HMGXB4: variants seen among roughly 807,000 people sequenced by gnomAD.
HMGXB4 encodes HMG domain-containing protein 4.
Under a neutral mutation model 63.9 loss-of-function variants are expected in HMGXB4, and 27 were observed. The observed-to-expected ratio is 0.42, with a 90% CI of 0.31 to 0.58. The LOEUF is 0.58. Ranked by LOEUF, HMGXB4 falls within the 20% of genes least tolerant of loss-of-function variation. HMGXB4 has a pLI of 0.13. For missense variants in HMGXB4, 624 were observed against 700.7 expected, an observed-to-expected ratio of 0.89 and a Z score of 1.24; for synonymous variants, 264 against 265.3, an observed-to-expected ratio of 0.99 and a Z score of 0.05.
At chr22:35,273,962 C>A (rs1334414812) in intron 5 of HMGXB4, among the ~76,000 whole-genome samples, 1 of 152,228 alleles carries the variant, frequency 6.6e-6, no homozygotes, top group Admixed American at 6.5e-5. Flanking sequence ...TGAATACACA[C>A]TTGGCCTCTT....
chr22:35,262,574 C>T (rs1031507197), intron 2 of HMGXB4, among the ~76,000 whole-genome samples, 153 bp downstream of exon 2: 18 of 152,128 alleles, frequency 1.2e-4, no homozygotes, highest in Non-Finnish European at 2.4e-4. Flanking sequence ...CACGCCATCC[C>T]CAGACTGGGC....
chr22:35,278,657 A>T (rs970634817), intron 5 of HMGXB4, among the ~76,000 whole-genome samples: 20 of 148,938 alleles, frequency 1.3e-4, no homozygotes, highest in Admixed American at 4.7e-4. Flanking sequence ...TTTTAATATT[A>T]TTTTTTTTTA....
In HMGXB4 at chr22:35,295,689, ATTGTT is replaced by A. The variant is rs145958162; in HGVS notation, c.*2041_*2045del. 8.5e-3 allele frequency: 1,301 copies of A among 152,634 alleles called. 75 individuals are homozygous for A. The East Asian group carries it at 0.17, about 20-fold the overall frequency. 9.5% of individuals were successfully genotyped at this position (152,634 alleles called of 1,614,324 possible). A position where few individuals can be genotyped will look rare whatever the true frequency, so the allele number is the denominator to read the frequency against. ...CAGACCTTCTTGCAGTTTTTATATCATTGTTTTATTTTGTTTTTTAAATAAATTCT... is the reference window on the plus strand; with the variant it reads ...CAGACCTTCTTGCAGTTTTTATATCATTATTTTGTTTTTTAAATAAATTCT... On this transcript the variant is annotated 3_prime_UTR_variant, in exon 11 of 11. Coordinates refer to ENST00000216106, the MANE Select transcript of HMGXB4 (RefSeq NM_001003681.3).
At chr22:35,244,252 A>AT in the HMGXB4 span, among the ~76,000 whole-genome samples, 2 of 140,238 alleles carry the variant, frequency 1.4e-5, no homozygotes, top group Non-Finnish European at 1.6e-5. Flanking sequence ...TTTTCAGTCT[A>AT]TTTTTTTTCT....
In HMGXB4 at chr22:35,262,348, C is replaced by CA. The variant is rs772080057; in HGVS notation, c.-43_-42insA. 1.5e-5 allele frequency: 24 copies of CA among 1,603,418 alleles called. No homozygotes were observed. Among genetic ancestry groups the CA allele is most frequent in the Non-Finnish European group, 2.0e-5 (23 of 1,170,176 alleles). ...ACCTGGTCCTGTAGACGGGAAGGAG[C>CA]CTGGACACAGTGACACATTCTCAAA... On this transcript the variant is annotated 5_prime_UTR_variant, in exon 2 of 11. Coordinates refer to ENST00000216106, the MANE Select transcript of HMGXB4 (RefSeq NM_001003681.3).
At chr22:35,257,045 T>C (rs1568991780), upstream of HMGXB4, among the ~76,000 whole-genome samples, 1 of 152,258 alleles carries the variant, frequency 6.6e-6, no homozygotes, top group Non-Finnish European at 1.5e-5. Context: ...ATGTAGATGC[T>C]GAAGTCCAAA....
chr22:35,289,436 G>T (rs1485369264), intron 9 of HMGXB4, among the ~76,000 whole-genome samples: 2 of 152,072 alleles, frequency 1.3e-5, no homozygotes. Flanking sequence ...CTCCAGCCTG[G>T]GTGACAGAGC....
At chr22:35,278,750 T>C (rs1924055507) in intron 5 of HMGXB4, among the ~76,000 whole-genome samples, 1 of 151,366 alleles carries the variant, frequency 6.6e-6, no homozygotes, top group South Asian at 2.1e-4. Context: ...CTGGGCTCAA[T>C]TGATTATCCC....
At chr22:35,274,097 A>G (rs1923761759) in intron 5 of HMGXB4, among the ~76,000 whole-genome samples, 1 of 152,212 alleles carries the variant, frequency 6.6e-6, no homozygotes. Context: ...TCAGTCTAGT[A>G]AAAGGTTGGA....
the HMGXB4 span, among the ~76,000 whole-genome samples, chr22:35,247,412 G>T: frequency 5.3e-5 from 8 of 152,156 alleles, no homozygotes; most frequent in Non-Finnish European, 1.0e-4. Context: ...CCAGCATTGG[G>T]TGCTGTCTTT....
At chr22:35,256,259 A>C (rs73883574), upstream of HMGXB4, among the ~76,000 whole-genome samples, 971 of 152,282 alleles carry the variant, frequency 6.4e-3, 12 homozygotes, top group African/African-American at 0.022. Context: ...AATGGAAAAT[A>C]CACTAGGACA....
At chr22:35,292,632 A>G (rs1185360182) in intron 9 of HMGXB4, among the ~76,000 whole-genome samples, 3 of 152,224 alleles carry the variant, frequency 2.0e-5, no homozygotes, top group African/African-American at 4.8e-5. Context: ...ATATTTGTCG[A>G]GTTTATAACA....
intron 5 of HMGXB4, among the ~76,000 whole-genome samples, chr22:35,272,748 A>G (rs936010389): frequency 7.2e-5 from 11 of 151,998 alleles, no homozygotes; most frequent in Non-Finnish European, 1.6e-4. Flanking sequence ...AGCCTGACCA[A>G]CTTGGTGAAA....
intron 9 of HMGXB4, among the ~76,000 whole-genome samples, chr22:35,289,351 C>T (rs1924793118): frequency 6.6e-6 from 1 of 151,936 alleles, no homozygotes; most frequent in Admixed American, 6.6e-5. Flanking sequence ...CCCAGCTACT[C>T]GGAAGGCTGA....
chr22:35,271,986 ATAT>A (rs1364509243), intron 5 of HMGXB4, among the ~76,000 whole-genome samples: 2 of 152,352 alleles, frequency 1.3e-5, no homozygotes, highest in South Asian at 2.1e-4. Context: ...CATTCAATAA[ATAT>A]TATAATCATC....
At chr22:35,285,211 G>C (rs1924493131) in intron 6 of HMGXB4, among the ~76,000 whole-genome samples, 1 of 152,170 alleles carries the variant, frequency 6.6e-6, no homozygotes, top group South Asian at 2.1e-4. Context: ...TTTGAGAGCA[G>C]CTTGGGCAAC....
chr22:35,262,162 A>T (rs914487673), intron 1 of HMGXB4, 161 bp from the exon 2 acceptor site: 1 of 562,286 alleles, frequency 1.8e-6, no homozygotes, highest in Non-Finnish European at 3.2e-6. Context: ...TGCAGTATCA[A>T]CCCCACTGTA....
Position 35,265,404 on chromosome 22 carries a change from A to G in HMGXB4, c.1016A>G (p.His339Arg). ...AAGGAGAAGCATAAAGAGAAGCGACACTCCAAGTCCAAGAGAAGTTTAGGA... is the reference window on the plus strand; with the variant it reads ...AAGGAGAAGCATAAAGAGAAGCGACGCTCCAAGTCCAAGAGAAGTTTAGGA... ...KDKEKHKEKR[H>R]SKSKRSLGLS... Residue 339 changes from histidine to arginine, a missense_variant, in exon 5 of 11, where the codon CAC (histidine) becomes CGC (arginine). His to Arg is a conservative substitution (Grantham distance 29). This residue lies in a region of HMGXB4 where 472 missense variants were observed against 470.6 expected (regional missense o/e 1.00). Coordinates refer to ENST00000216106, the MANE Select transcript of HMGXB4 (RefSeq NM_001003681.3). 2 of 1,614,000 alleles carry G rather than the reference A, an allele frequency of 1.2e-6. No individual in the cohort carries two copies. The highest frequency in any genetic ancestry group is 1.1e-5 in the South Asian group (1 of 91,068).
At chr22:35,285,310 C>T (rs541557532) in intron 6 of HMGXB4, among the ~76,000 whole-genome samples, 4 of 152,186 alleles carry the variant, frequency 2.6e-5, no homozygotes, top group South Asian at 2.1e-4. Context: ...TTTGGGAGGC[C>T]GAGGTGGGTG....
Sources: gnomAD v4.1 joint callset for allele counts (sites outside exome capture counted in the v4.1 genomes callset) on GRCh38, gnomAD v4.1.1 for gene constraint, gnomAD v4.1.1 regional missense constraint, MANE v1.5 for transcripts, NCBI Gene and HGNC (gene_info 2026-07-23, HGNC 2026-07-21) for gene names.